DHX32: variants seen among roughly 807,000 people sequenced by gnomAD.
DHX32 encodes the protein putative pre-mRNA-splicing factor ATP-dependent RNA helicase DHX32.
In DHX32, 51 loss-of-function variants were observed where a neutral mutation model predicts 70.0. The observed-to-expected ratio is 0.73, with a 90% confidence interval of 0.58 to 0.92. The LOEUF is 0.92. DHX32 is among the 40% of genes least tolerant of loss of function. DHX32 has a pLI of 0.00. For synonymous variants in DHX32, 310 were observed against 315.3 expected (o/e 0.98, Z 0.18); for missense variants, 762 against 891.8 (o/e 0.85, Z 1.85).
intron 2 of DHX32, among the ~76,000 whole-genome samples, chr10:125,861,327 C>T (rs1005406597): frequency 1.3e-5 from 2 of 151,958 alleles, no homozygotes; most frequent in Admixed American, 1.3e-4. Flanking sequence ...GAAACCCCGT[C>T]TCTACTAAAA....
chr10:125,890,063 C>G (rs1944360854), intron 1 of DHX32, among the ~76,000 whole-genome samples: 1 of 152,262 alleles, frequency 6.6e-6, no homozygotes, highest in African/African-American at 2.4e-5. Flanking sequence ...ATATTGCTTC[C>G]AGACTACATT....
At chr10:125,861,095 T>C (rs1944185368) in intron 2 of DHX32, among the ~76,000 whole-genome samples, 1 of 152,180 alleles carries the variant, frequency 6.6e-6, no homozygotes, top group Admixed American at 6.5e-5. Flanking sequence ...TTTACTTTTA[T>C]TTATTCTTGT....
chr10:125,894,279 G>C (rs577746658), intron 1 of DHX32, among the ~76,000 whole-genome samples: 2,141 of 152,206 alleles, frequency 0.014, 21 homozygotes, highest in Non-Finnish European at 0.023. Context: ...CAATAGTAAA[G>C]TGTATCCCTA....
intron 6 of DHX32, among the ~76,000 whole-genome samples, chr10:125,849,185 C>CTGTTT (rs750760095): frequency 9.2e-5 from 14 of 152,174 alleles, no homozygotes; most frequent in African/African-American, 3.1e-4. Context: ...AGTTAAATTG[C>CTGTTT]TGTTTTGTTT....
chr10:125,840,818 TAATA>T, intron 8 of DHX32, 25 bp downstream of exon 8: 1 of 1,540,738 alleles, frequency 6.5e-7, no homozygotes, highest in Non-Finnish European at 8.8e-7. Flanking sequence ...AAGGTGGAAT[TAATA>T]GGTAGTTTCT....
chr10:125,890,389 TA>T (rs1944363463), intron 1 of DHX32, among the ~76,000 whole-genome samples: 1 of 152,264 alleles, frequency 6.6e-6, no homozygotes, highest in African/African-American at 2.4e-5. Flanking sequence ...AAATATATCC[TA>T]TTTGGTTTCC....
chr10:125,841,647 C>T, intron 7 of DHX32, 96 bp downstream of exon 7: 1 of 1,514,758 alleles, frequency 6.6e-7, no homozygotes, highest in Non-Finnish European at 8.8e-7. Context: ...TATCTCTGCT[C>T]TGTGCTCCTC....
At chr10:125,837,965 C>T (rs1854749827) in intron 10 of DHX32, among the ~76,000 whole-genome samples, 1 of 152,168 alleles carries the variant, frequency 6.6e-6, no homozygotes, top group African/African-American at 2.4e-5. Context: ...TTCTGTCCTT[C>T]TTAAAGACAC....
At chr10:125,895,728 C>T (rs1211440893) in intron 1 of DHX32, among the ~76,000 whole-genome samples, 1 of 152,244 alleles carries the variant, frequency 6.6e-6, no homozygotes, top group Non-Finnish European at 1.5e-5. Context: ...AGGACTGAAA[C>T]AAATCAACAC....
At chr10:125,858,025 G>A (rs901271642) in intron 3 of DHX32, among the ~76,000 whole-genome samples, 1 of 151,484 alleles carries the variant, frequency 6.6e-6, no homozygotes, top group Non-Finnish European at 1.5e-5. Context: ...TCAGCTTCCT[G>A]AGTAGGTGGG....
chr10:125,851,458 C>A (rs1181681828), intron 6 of DHX32, among the ~76,000 whole-genome samples: 1 of 152,176 alleles, frequency 6.6e-6, no homozygotes, highest in Non-Finnish European at 1.5e-5. Flanking sequence ...CTTTTCTTCT[C>A]CCTGCATTTC....
intron 2 of DHX32, among the ~76,000 whole-genome samples, chr10:125,862,451 T>C (rs945198577): frequency 2.8e-4 from 42 of 152,134 alleles, no homozygotes; most frequent in African/African-American, 9.4e-4. Context: ...TTTTTTTTGC[T>C]GAGGCTAATT....
At chr10:125,867,264 T>A (rs183945200) in intron 1 of DHX32, 81 bp from the exon 2 acceptor site, 1 of 1,226,514 alleles carries the variant, frequency 8.2e-7, no homozygotes, top group Middle Eastern at 2.7e-4. Context: ...GCAGGGTTCA[T>A]CTTATAAGTG....
intron 1 of DHX32, among the ~76,000 whole-genome samples, chr10:125,891,091 G>A (rs1186219315): frequency 6.6e-5 from 10 of 152,160 alleles, no homozygotes. Flanking sequence ...GGACCACTCA[G>A]TGCTTTGTGA....
At chr10:125,894,292 T>A (rs1354563468) in intron 1 of DHX32, among the ~76,000 whole-genome samples, 1 of 152,196 alleles carries the variant, frequency 6.6e-6, no homozygotes, top group Non-Finnish European at 1.5e-5. Flanking sequence ...TATCCCTATA[T>A]CCAAAACAAT....
At chr10:125,849,963 T>C (rs1395898523) in intron 6 of DHX32, among the ~76,000 whole-genome samples, 9 of 152,058 alleles carry the variant, frequency 5.9e-5, no homozygotes, top group African/African-American at 2.2e-4. Context: ...GACACCACTG[T>C]AGAATCTTTT....
At chr10:125,895,311 A>T (rs113019148) in intron 1 of DHX32, among the ~76,000 whole-genome samples, 3 of 152,198 alleles carry the variant, frequency 2.0e-5, no homozygotes, top group African/African-American at 7.2e-5. Flanking sequence ...ATGACCCCCA[A>T]AACGGCTCTT....
intron 1 of DHX32, among the ~76,000 whole-genome samples, chr10:125,892,678 T>C (rs77649348): frequency 2.4e-4 from 34 of 142,872 alleles, no homozygotes; most frequent in East Asian, 1.5e-3. Flanking sequence ...ACCTAACACA[T>C]TGTGAATGTG....
chr10:125,893,641 AGAG>A (rs1176276667), intron 1 of DHX32, among the ~76,000 whole-genome samples: 2 of 152,260 alleles, frequency 1.3e-5, no homozygotes, highest in Non-Finnish European at 2.9e-5. Flanking sequence ...TGGAGAACAA[AGAG>A]GAAAACACCA....
Sources: gnomAD v4.1 joint callset for allele counts (sites outside exome capture counted in the v4.1 genomes callset) on GRCh38, gnomAD v4.1.1 for gene constraint, MANE v1.5 for transcripts, NCBI Gene and HGNC (gene_info 2026-07-23, HGNC 2026-07-21) for gene names.